PLOD2: variants seen among roughly 807,000 people sequenced by gnomAD.
The protein encoded by PLOD2 is procollagen-lysine,2-oxoglutarate 5-dioxygenase 2, also known as lysine hydroxylase 2.
PLOD2 carries 65 observed loss-of-function variants against 101.0 expected under a neutral mutation model. That is an observed-to-expected ratio of 0.64 (90% CI 0.53 to 0.79). The LOEUF is 0.79. Ranked by LOEUF, PLOD2 falls within the 30% of genes least tolerant of loss-of-function variation. PLOD2 has a pLI of 0.00. For synonymous variants in PLOD2, 314 were observed against 302.9 expected (o/e 1.04, Z -0.38); for missense variants, 909 against 914.6 (o/e 0.99, Z 0.08).
rs879607106 is a variant in PLOD2, at chr3:146,070,681, C to A, written c.*36G>T. Reference sequence around the variant, plus strand: ...AGACGTGTTCATGCCAGTCATTCATCCAAAATAAATTTCAATTCAATGAAA... The same window carrying A: ...AGACGTGTTCATGCCAGTCATTCATACAAAATAAATTTCAATTCAATGAAA... On this transcript the variant is annotated 3_prime_UTR_variant, in exon 20 of 20. Coordinates refer to ENST00000282903, the MANE Select transcript of PLOD2 (RefSeq NM_182943.3). The A allele has an allele frequency of 2.1e-6, 3 of 1,462,268 alleles. No individual in the cohort carries two copies. Among genetic ancestry groups the A allele is most frequent in the African/African-American group, 1.4e-5 (1 of 71,522 alleles). The allele number at this position is 1,462,268 out of a possible 1,614,324, so 90.6% of individuals were successfully genotyped here. A position where few individuals can be genotyped will look rare whatever the true frequency, so the allele number is the denominator to read the frequency against.
At chr3:146,077,190 T>A (rs186750260) in intron 14 of PLOD2, 3 of 1,033,992 alleles carry the variant, frequency 2.9e-6, no homozygotes, top group South Asian at 7.9e-5. Context: ...GGGGAAAAAA[T>A]TCCTGTTTGA....
chr3:146,114,151 G>A (rs138704760), intron 3 of PLOD2, among the ~76,000 whole-genome samples: 2,367 of 152,148 alleles, frequency 0.016, 30 homozygotes, highest in Non-Finnish European at 0.02. Flanking sequence ...CGTTATCAAT[G>A]ACAATGCATA....
intron 3 of PLOD2, among the ~76,000 whole-genome samples, chr3:146,118,299 C>A (rs1576608257): frequency 6.6e-6 from 1 of 152,012 alleles, no homozygotes; most frequent in South Asian, 2.1e-4. Context: ...AAATAGGTAA[C>A]CACAAGCAGA....
At chr3:146,125,340 ATAAG>A (rs1276456969) in intron 1 of PLOD2, among the ~76,000 whole-genome samples, 1 of 152,236 alleles carries the variant, frequency 6.6e-6, no homozygotes, top group Non-Finnish European at 1.5e-5. Flanking sequence ...ACAATAAAAT[ATAAG>A]TAAGTACAAT....
chr3:146,103,684 A>C (rs1425318774), intron 6 of PLOD2, among the ~76,000 whole-genome samples: 2 of 151,940 alleles, frequency 1.3e-5, no homozygotes, highest in Non-Finnish European at 2.9e-5. Flanking sequence ...ATATATTCTC[A>C]ATTTTTATAT....
intron 3 of PLOD2, 147 bp from the exon 4 acceptor site, chr3:146,110,595 A>G: frequency 1.8e-6 from 1 of 558,298 alleles, no homozygotes; most frequent in South Asian, 2.9e-5. Context: ...AACACCAAAC[A>G]AAATTTCTCT....
At chr3:146,129,523 G>A (rs772870922) in intron 1 of PLOD2, among the ~76,000 whole-genome samples, 3 of 152,090 alleles carry the variant, frequency 2.0e-5, no homozygotes, top group Non-Finnish European at 4.4e-5. Context: ...CGTCTCAACT[G>A]TAATATGTCT....
intron 4 of PLOD2, among the ~76,000 whole-genome samples, chr3:146,109,671 T>C (rs945199489): frequency 1.3e-5 from 2 of 152,228 alleles, no homozygotes; most frequent in Non-Finnish European, 2.9e-5. Context: ...TTTGTAGCCA[T>C]TATAATTTCC....
intron 17 of PLOD2, 39 bp from the exon 18 acceptor site, chr3:146,071,462 C>T (rs368129631): frequency 2.5e-5 from 40 of 1,574,804 alleles, no homozygotes; most frequent in East Asian, 6.7e-5. Flanking sequence ...CTGTACTCCA[C>T]GTGCAATTCC....
At chr3:146,087,055 C>T (rs1042132329) in intron 9 of PLOD2, 147 bp from the exon 10 acceptor site, 11 of 443,950 alleles carry the variant, frequency 2.5e-5, no homozygotes, top group African/African-American at 4.1e-5. Context: ...ATATTAAACA[C>T]GGTATATTTA....
At chr3:146,121,031 A>T in intron 3 of PLOD2, 81 bp downstream of exon 3, 1 of 1,154,708 alleles carries the variant, frequency 8.7e-7, no homozygotes, top group Non-Finnish European at 1.3e-6. Flanking sequence ...ATATTTTAAT[A>T]CATCATCTAC....
At chr3:146,094,075 G>A (rs930586237) in intron 7 of PLOD2, among the ~76,000 whole-genome samples, 1 of 152,136 alleles carries the variant, frequency 6.6e-6, no homozygotes, top group Non-Finnish European at 1.5e-5. Flanking sequence ...TCTAGACGGT[G>A]CAGAAGGCTG....
chr3:146,119,755 C>T (rs1272849077), intron 3 of PLOD2, among the ~76,000 whole-genome samples: 1 of 152,088 alleles, frequency 6.6e-6, no homozygotes. Context: ...ATCCATGTCC[C>T]TACAAAGGAC....
chr3:146,085,896 G>A (rs1936749694), intron 10 of PLOD2: 1 of 152,394 alleles, frequency 6.6e-6, no homozygotes, highest in East Asian at 1.9e-4. Context: ...ACTTTTTGCT[G>A]TTGTCAGTGT....
At chr3:146,072,828 T>A (rs1356791677) in intron 16 of PLOD2, among the ~76,000 whole-genome samples, 163 bp from the exon 17 acceptor site, 2 of 151,638 alleles carry the variant, frequency 1.3e-5, no homozygotes, top group Non-Finnish European at 3.0e-5. Flanking sequence ...GGTACATAAA[T>A]AATGGTGCAC....
chr3:146,072,429 C>T (rs1384898777), intron 17 of PLOD2, 132 bp downstream of exon 17: 18 of 700,668 alleles, frequency 2.6e-5, no homozygotes, highest in African/African-American at 5.3e-5. Context: ...AAATCAGAGC[C>T]TTGGCTAGCC....
intron 3 of PLOD2, among the ~76,000 whole-genome samples, chr3:146,111,615 T>A (rs560196024): frequency 6.6e-6 from 1 of 152,168 alleles, no homozygotes; most frequent in African/African-American, 2.4e-5. Flanking sequence ...TACAAATGTG[T>A]ATGTTAAAAA....
chr3:146,156,738 T>C (rs1008046564), intron 1 of PLOD2, among the ~76,000 whole-genome samples: 2 of 152,248 alleles, frequency 1.3e-5, no homozygotes, highest in Non-Finnish European at 2.9e-5. Flanking sequence ...TTTCTCTAAG[T>C]CACTGATGGC....
At chr3:146,133,424 A>G (rs1360776601) in intron 1 of PLOD2, among the ~76,000 whole-genome samples, 1 of 152,164 alleles carries the variant, frequency 6.6e-6, no homozygotes, top group Admixed American at 6.5e-5. Context: ...GTACAAAAAA[A>G]CACTTTACTT....
Sources: gnomAD v4.1 joint callset for allele counts (sites outside exome capture counted in the v4.1 genomes callset) on GRCh38, gnomAD v4.1.1 for gene constraint, MANE v1.5 for transcripts, NCBI Gene and HGNC (gene_info 2026-07-23, HGNC 2026-07-21) for gene names.